Variants in SCAI observed in about 807,000 individuals in gnomAD.
SCAI encodes suppressor of cancer cell invasion, also known as protein SCAI.
A neutral mutation model predicts 92.2 loss-of-function variants in SCAI; 24 were observed. The ratio of observed to expected loss-of-function variants is 0.26; its 90% CI spans 0.19 to 0.37. SCAI has a LOEUF of 0.37. Ranked by LOEUF, SCAI falls within the 10% of genes least tolerant of loss-of-function variation. SCAI has a pLI of 1.00. For synonymous variants in SCAI, 261 were observed against 258.6 expected, an observed-to-expected ratio of 1.01 and a Z score of -0.09; for missense variants, 450 against 736.2, an observed-to-expected ratio of 0.61 and a Z score of 4.50.
intron 3 of SCAI, among the ~76,000 whole-genome samples, chr9:125,040,183 C>T (rs181625669): frequency 2.3e-4 from 35 of 151,928 alleles, no homozygotes; most frequent in African/African-American, 8.2e-4. Context: ...AGGGAGAGCC[C>T]GTCTCTATAA....
chr9:124,976,104 G>C lies in SCAI; in HGVS notation c.1399+10C>G. 6.4e-7 allele frequency: 1 copy of C among 1,573,462 alleles called. No individual in the cohort carries two copies. Among genetic ancestry groups the C allele is most frequent in the Non-Finnish European group, 8.7e-7 (1 of 1,142,868 alleles). On this transcript the variant is annotated intron_variant, in intron 15 of 17. Coordinates refer to ENST00000336505, the MANE Select transcript of SCAI (RefSeq NM_001144877.3). ...AACCTATGGCTATACCAGGCAATGA[G>C]GGTACATACCTTGTAAAGCTTTTGG...
intron 2 of SCAI, among the ~76,000 whole-genome samples, chr9:125,121,462 G>A (rs972659916): frequency 6.6e-6 from 1 of 151,938 alleles, no homozygotes; most frequent in African/African-American, 2.4e-5. Context: ...TTAAGCCAAA[G>A]TCCTTTTCCA....
At chr9:125,142,719 C>T in intron 1 of SCAI, 42 bp from the exon 2 acceptor site, 1 of 1,557,238 alleles carries the variant, frequency 6.4e-7, no homozygotes. Flanking sequence ...AAGTAACATA[C>T]AAGAAAACAT....
At chr9:125,001,880 G>T in intron 12 of SCAI, 85 bp downstream of exon 12, 1 of 913,000 alleles carries the variant, frequency 1.1e-6, no homozygotes, top group Non-Finnish European at 1.8e-6. Flanking sequence ...AGGCTGAGAT[G>T]GTCTGTGGGC....
At chr9:125,118,353 A>T (rs1835093523) in intron 2 of SCAI, among the ~76,000 whole-genome samples, 1 of 152,008 alleles carries the variant, frequency 6.6e-6, no homozygotes, top group African/African-American at 2.4e-5. Context: ...AACTCTAAAA[A>T]ATAAAAATAA....
intron 3 of SCAI, among the ~76,000 whole-genome samples, chr9:125,050,800 C>T (rs962412346): frequency 6.6e-5 from 10 of 152,076 alleles, no homozygotes; most frequent in African/African-American, 2.4e-4. Flanking sequence ...GAGCTCTTGG[C>T]TTCAAGTGAT....
At chr9:125,092,921 C>T (rs1834465759) in intron 2 of SCAI, among the ~76,000 whole-genome samples, 1 of 152,232 alleles carries the variant, frequency 6.6e-6, no homozygotes, top group Non-Finnish European at 1.5e-5. Context: ...CATCATTCCA[C>T]TGAATCACTG....
intron 9 of SCAI, among the ~76,000 whole-genome samples, chr9:125,016,311 C>T (rs1832758538): frequency 6.6e-6 from 1 of 150,598 alleles, no homozygotes; most frequent in Non-Finnish European, 1.5e-5. Flanking sequence ...TCGCTTGAAC[C>T]TGGGAGGCAG....
intron 3 of SCAI, among the ~76,000 whole-genome samples, chr9:125,038,371 A>C (rs572464520): frequency 6.6e-6 from 1 of 152,346 alleles, no homozygotes; most frequent in African/African-American, 2.4e-5. Context: ...TTTTCTTGAG[A>C]TAAACTGGGT....
chr9:125,102,707 C>T (rs1240493715), intron 2 of SCAI, among the ~76,000 whole-genome samples: 1 of 152,152 alleles, frequency 6.6e-6, no homozygotes, highest in Non-Finnish European at 1.5e-5. Flanking sequence ...ACGCAATTCT[C>T]CTGCCTCAGC....
At chr9:125,037,789 G>A (rs187305829) in intron 3 of SCAI, among the ~76,000 whole-genome samples, 17 of 152,172 alleles carry the variant, frequency 1.1e-4, no homozygotes, top group Non-Finnish European at 2.5e-4. Context: ...GGTGGCGAAC[G>A]CCTATAATCC....
At chr9:125,114,768 C>CTT (rs10541713) in intron 2 of SCAI, among the ~76,000 whole-genome samples, 320 of 81,578 alleles carry the variant, frequency 3.9e-3, no homozygotes, top group Non-Finnish European at 4.6e-3. Flanking sequence ...CCACACCCGG[C>CTT]TTTTTTTTTT....
At chr9:125,082,764 A>T (rs1834248598) in intron 2 of SCAI, among the ~76,000 whole-genome samples, 1 of 152,242 alleles carries the variant, frequency 6.6e-6, no homozygotes, top group East Asian at 1.9e-4. Flanking sequence ...TGGGGCTTGC[A>T]GCCCCTTTGT....
intron 9 of SCAI, among the ~76,000 whole-genome samples, chr9:125,013,586 A>G (rs1832685341): frequency 6.6e-6 from 1 of 152,226 alleles, no homozygotes; most frequent in African/African-American, 2.4e-5. Flanking sequence ...TTCACAGCCG[A>G]ATGCTACCAG....
intron 6 of SCAI, among the ~76,000 whole-genome samples, chr9:125,025,488 T>C (rs1832949316): frequency 1.3e-5 from 2 of 152,220 alleles, no homozygotes; most frequent in Non-Finnish European, 2.9e-5. Flanking sequence ...GTTCTCTGCT[T>C]ATATGTATTT....
intron 2 of SCAI, among the ~76,000 whole-genome samples, chr9:125,079,725 T>A (rs938529606): frequency 2.6e-5 from 4 of 151,808 alleles, no homozygotes; most frequent in Admixed American, 2.6e-4. Flanking sequence ...CCTGTTAGCA[T>A]CCAAATTCAT....
At position 125,084,158 on chromosome 9, in the gene SCAI, C is replaced by CTTTTTTTTTT. The variant is rs34786493; in HGVS notation, c.99-28161_99-28152dup. Among the ~76,000 whole-genome samples the CTTTTTTTTTT allele has an allele frequency of 1.4e-3, 89 of 65,134 alleles. 17 individuals are homozygous for CTTTTTTTTTT. Among genetic ancestry groups the CTTTTTTTTTT allele is most frequent in the African/African-American group, 2.5e-3 (38 of 15,262 alleles). The allele number at this position is 65,134 out of a possible 152,430, so 42.7% of individuals were successfully genotyped here. A position where few individuals can be genotyped will look rare whatever the true frequency, so the allele number is the denominator to read the frequency against. ...ATATGAACAGGACTCTTGGCTGCTG[C>CTTTTTTTTTT]TTTTTTTTTTTTTTTTTTTTTTTTT... is the stretch of plus-strand genomic sequence containing the variant. On this transcript the variant is annotated intron_variant, in intron 2 of 17. Coordinates refer to ENST00000336505, the MANE Select transcript of SCAI (RefSeq NM_001144877.3).
chr9:125,122,859 TC>T (rs1417055968), intron 2 of SCAI, among the ~76,000 whole-genome samples: 1 of 152,126 alleles, frequency 6.6e-6, no homozygotes, highest in East Asian at 1.9e-4. Context: ...TGAGCCAAGA[TC>T]GCACCACCGC....
intron 13 of SCAI, among the ~76,000 whole-genome samples, chr9:124,998,775 C>A (rs1832298477): frequency 6.6e-6 from 1 of 152,020 alleles, no homozygotes; most frequent in South Asian, 2.1e-4. Flanking sequence ...GCGCAAGCCA[C>A]CACACCCGGT....
Sources: allele counts gnomAD v4.1 joint callset (sites outside exome capture counted in the v4.1 genomes callset), GRCh38; gene constraint gnomAD v4.1.1; transcripts MANE v1.5; gene names NCBI Gene and HGNC (gene_info 2026-07-23, HGNC 2026-07-21).